RANBP2: variants seen among roughly 807,000 people sequenced by gnomAD.
The protein encoded by RANBP2 is E3 SUMO-protein ligase RanBP2.
A neutral mutation model predicts 303.6 loss-of-function variants in RANBP2; 57 were observed. That is an observed-to-expected ratio of 0.19 (90% CI 0.15 to 0.23). RANBP2 has a LOEUF of 0.23. Ranked by LOEUF, RANBP2 falls within the 10% of genes least tolerant of loss-of-function variation. The pLI is 1.00. For synonymous variants in RANBP2, 1,167 were observed against 1,301.5 expected, an observed-to-expected ratio of 0.90 and a Z score of 2.23; for missense variants, 3,138 against 3,780.8, an observed-to-expected ratio of 0.83 and a Z score of 4.46.
the RANBP2 span, among the ~76,000 whole-genome samples, chr2:109,408,262 A>G: frequency 1.7e-4 from 26 of 152,316 alleles, no homozygotes; most frequent in African/African-American, 6.0e-4. Context: ...GGCCTCGATC[A>G]GTACAGGTAA....
chr2:109,511,991 T>C, the RANBP2 span, among the ~76,000 whole-genome samples: 33,425 of 152,168 alleles, frequency 0.22, 4,160 homozygotes, highest in South Asian at 0.29. Flanking sequence ...CAGAGGACTC[T>C]GGGACTCCCA....
chr2:109,363,267 G>T, the RANBP2 span, among the ~76,000 whole-genome samples: 1 of 151,884 alleles, frequency 6.6e-6, no homozygotes, highest in African/African-American at 2.4e-5. Context: ...ATTGGAGTCT[G>T]CAATATTCAT....
At chr2:109,174,044 GT>G in the RANBP2 span, among the ~76,000 whole-genome samples, 1 of 152,240 alleles carries the variant, frequency 6.6e-6, no homozygotes, top group African/African-American at 2.4e-5. Flanking sequence ...CAGCAGTGCG[GT>G]TTGGTGGCTG....
chr2:108,788,979 G>A (rs1679440938), downstream of RANBP2: 6 of 1,613,508 alleles, frequency 3.7e-6, no homozygotes, highest in Non-Finnish European at 5.1e-6. Context: ...AAAGTACCCT[G>A]AAACTTTACT....
the RANBP2 span, among the ~76,000 whole-genome samples, chr2:109,216,384 C>T: frequency 6.6e-6 from 1 of 152,226 alleles, no homozygotes; most frequent in African/African-American, 2.4e-5. Flanking sequence ...GCTCCAAAAC[C>T]ACCCTCTGTG....
chr2:108,851,159 A>C, the RANBP2 span, among the ~76,000 whole-genome samples: 4 of 152,206 alleles, frequency 2.6e-5, no homozygotes, highest in Non-Finnish European at 5.9e-5. Flanking sequence ...ATGTAGATGA[A>C]GAGAGAGACA....
intron 23 of RANBP2, among the ~76,000 whole-genome samples, chr2:108,773,661 G>GA (rs908692286): frequency 2.8e-5 from 4 of 142,812 alleles, no homozygotes; most frequent in South Asian, 2.2e-4. Flanking sequence ...TTTTTTTTTT[G>GA]GGGGGGGATG....
At chr2:109,263,587 T>C in the RANBP2 span, among the ~76,000 whole-genome samples, 15 of 152,194 alleles carry the variant, frequency 9.9e-5, no homozygotes, top group Non-Finnish European at 1.9e-4. Flanking sequence ...AGGAGGTGGA[T>C]TTTCATTCCT....
the RANBP2 span, among the ~76,000 whole-genome samples, chr2:108,957,277 G>T: frequency 6.6e-6 from 1 of 152,218 alleles, no homozygotes; most frequent in African/African-American, 2.4e-5. Flanking sequence ...TGAGACAGAT[G>T]AAAGCCTGGA....
chr2:109,664,698 G>A, the RANBP2 span, among the ~76,000 whole-genome samples: 1 of 152,142 alleles, frequency 6.6e-6, no homozygotes, highest in African/African-American at 2.4e-5. Flanking sequence ...GGAAGGCCAA[G>A]GCAGGTGGAC....
At chr2:109,532,846 C>T in the RANBP2 span, among the ~76,000 whole-genome samples, 1 of 152,216 alleles carries the variant, frequency 6.6e-6, no homozygotes, top group Admixed American at 6.5e-5. Flanking sequence ...ACCCTTTGGG[C>T]AGTGGACACC....
the RANBP2 span, among the ~76,000 whole-genome samples, chr2:109,516,229 C>T: frequency 6.6e-6 from 1 of 152,262 alleles, no homozygotes; most frequent in Non-Finnish European, 1.5e-5. Flanking sequence ...GATGTGTGGC[C>T]CATGCTGGGC....
At chr2:108,922,926 A>G in the RANBP2 span, among the ~76,000 whole-genome samples, 16,256 of 152,226 alleles carry the variant, frequency 0.11, 1,187 homozygotes, top group African/African-American at 0.2. Flanking sequence ...GCTTTGTGGA[A>G]TCTGTTTCAT....
chr2:109,302,476 T>G, the RANBP2 span, among the ~76,000 whole-genome samples: 1 of 152,224 alleles, frequency 6.6e-6, no homozygotes, highest in Non-Finnish European at 1.5e-5. Context: ...GTGCCTCCTC[T>G]TAGGGCCCCC....
the RANBP2 span, among the ~76,000 whole-genome samples, chr2:109,349,203 GCA>G: frequency 1.3e-5 from 2 of 152,152 alleles, no homozygotes; most frequent in Non-Finnish European, 2.9e-5. Flanking sequence ...GGAGAACCAT[GCA>G]CAGTGTTTTT....
At chr2:109,056,875 T>G in the RANBP2 span, among the ~76,000 whole-genome samples, 1 of 152,194 alleles carries the variant, frequency 6.6e-6, no homozygotes, top group African/African-American at 2.4e-5. Flanking sequence ...AAGACCAAAG[T>G]GAAGGCTCAC....
the RANBP2 span, among the ~76,000 whole-genome samples, chr2:109,740,056 G>A: frequency 4.4e-3 from 655 of 148,262 alleles, 52 homozygotes; most frequent in African/African-American, 0.016. Context: ...GCATGATCTC[G>A]GCTCACTGCA....
chr2:109,667,552 C>T, the RANBP2 span, among the ~76,000 whole-genome samples: 1 of 152,172 alleles, frequency 6.6e-6, no homozygotes, highest in Non-Finnish European at 1.5e-5. Flanking sequence ...CACACAGAGC[C>T]CATAGAATGA....
Position 108,747,771 on chromosome 2 carries a change from G to A in RANBP2, c.1063+973G>A, listed in dbSNP as rs563717739. Among the ~76,000 whole-genome samples the A allele has an allele frequency of 2.7e-3, 400 of 150,542 alleles. 3 individuals are homozygous for A. Among genetic ancestry groups the A allele is most frequent in the African/African-American group, 9.0e-3 (370 of 41,212 alleles). ...CCTAATTGCCCAGCAGAATTAACTC[G>A]AAGGAGGGTTTTTAAAAAAAGTTCA... On this transcript the variant is annotated intron_variant, in intron 8 of 28. Coordinates refer to ENST00000283195, the MANE Select transcript of RANBP2 (RefSeq NM_006267.5).
Sources: allele counts gnomAD v4.1 joint callset (sites outside exome capture counted in the v4.1 genomes callset), GRCh38; gene constraint gnomAD v4.1.1; transcripts MANE v1.5; gene names NCBI Gene and HGNC (gene_info 2026-07-23, HGNC 2026-07-21).